The following ANXA1 variants were observed in gnomAD, a reference collection of about 807,000 sequenced individuals.
The protein encoded by ANXA1 is annexin I (lipocortin I).
In ANXA1, 39 loss-of-function variants were observed where a neutral mutation model predicts 47.9. The observed-to-expected ratio is 0.81, with a 90% CI of 0.63 to 1.06. ANXA1 has a LOEUF of 1.06. Among genes scored for constraint, ANXA1 ranks in the 50% least tolerant of loss-of-function variants. The pLI, the probability that ANXA1 is intolerant of heterozygous loss-of-function variation, is 0.00. For missense variants in ANXA1, 446 were observed against 422.7 expected (o/e 1.06, Z -0.48); for synonymous variants, 146 against 142.5 (o/e 1.02, Z -0.17).
chr9:73,157,871 A>T (rs1824074243), intron 1 of ANXA1: 2 of 152,152 alleles, frequency 1.3e-5, no homozygotes, highest in African/African-American at 2.4e-5. Flanking sequence ...ACAAACAAAC[A>T]AAAAGAAACC....
At chr9:73,167,406 T>C (rs972736928) in intron 10 of ANXA1, 91 bp from the exon 11 acceptor site, 4 of 1,225,138 alleles carry the variant, frequency 3.3e-6, no homozygotes, top group Admixed American at 1.8e-5. Context: ...TAGAACACTG[T>C]TGGCAAAATT....
At chr9:73,159,647 T>C (rs1824106277) in intron 4 of ANXA1, 1 of 355,748 alleles carries the variant, frequency 2.8e-6, no homozygotes, top group East Asian at 5.2e-5. Context: ...TTTGCAGATG[T>C]GGTGCTCTGG....
In ANXA1 at chr9:73,154,474, C is replaced by A. The variant is rs185490342; in HGVS notation, c.-15+2550C>A. ...TCTTCCCGACAGAGTCTTGTTATGT[C>A]GCCCAGGATGGAGTGTAGTGGTACA... is the stretch of plus-strand genomic sequence containing the variant. On this transcript the variant is annotated intron_variant, in intron 1 of 12. Transcript: ENST00000257497. The A allele has an allele frequency of 7.6e-6, 6 of 792,486 alleles. No individual in the cohort carries two copies. In the Admixed American group the frequency reaches 1.6e-4, roughly 21 times the overall value. The allele number at this position is 792,486 out of a possible 1,614,324, so 49.1% of individuals were successfully genotyped here. A position where few individuals can be genotyped will look rare whatever the true frequency, so the allele number is the denominator to read the frequency against.
intron 6 of ANXA1, among the ~76,000 whole-genome samples, chr9:73,161,644 GC>G (rs1824144998): frequency 6.6e-6 from 1 of 151,884 alleles, no homozygotes; most frequent in Non-Finnish European, 1.5e-5. Context: ...GAATACAATA[GC>G]TTTTGCATAT....
intron 8 of ANXA1, among the ~76,000 whole-genome samples, chr9:73,163,931 A>G (rs1824185698): frequency 6.6e-6 from 1 of 152,204 alleles, no homozygotes; most frequent in Non-Finnish European, 1.5e-5. Context: ...AATGGTTTAT[A>G]GATGTCAATT....
chr9:73,170,288 T>A lies in ANXA1; in HGVS notation c.*181T>A. On this transcript the variant is annotated 3_prime_UTR_variant, in exon 13 of 13. Coordinates refer to ENST00000257497, the MANE Select transcript of ANXA1 (RefSeq NM_000700.3). ...TGTATAATAGAGATAAGTCCATTTT[T>A]TAAAAATGTTTTCCCCAAACCATAA... 2.4e-6 allele frequency: 1 copy of A among 419,526 alleles called. No individual in the cohort carries two copies. Among genetic ancestry groups the A allele is most frequent in the East Asian group, 3.5e-5 (1 of 28,258 alleles). The allele number at this position is 419,526 out of a possible 1,614,324, so 26.0% of individuals were successfully genotyped here.
chr9:73,169,808 A>G (rs1227707926), intron 12 of ANXA1, among the ~76,000 whole-genome samples: 1 of 152,150 alleles, frequency 6.6e-6, no homozygotes, highest in Non-Finnish European at 1.5e-5. Context: ...TTCATAGAAA[A>G]TAATGGCACT....
chr9:73,158,560 A>G lies in ANXA1; in HGVS notation c.25A>G (p.Lys9Glu). MAMVSEFLKQAWFIENEEQ... is the reference protein window; with the variant it reads MAMVSEFLEQAWFIENEEQ... ...AATGGCAATGGTATCAGAATTCCTC[A>G]AGCAGGCCTGGTTTATTGAAAATGA... Residue 9 changes from lysine to glutamate, a missense_variant, in exon 2 of 13, where the codon AAG (lysine) becomes GAG (glutamate). Physicochemically the swap from Lys to Glu is moderately conservative, Grantham distance 56. Coordinates refer to ENST00000257497, the MANE Select transcript of ANXA1 (RefSeq NM_000700.3). 1 of 1,613,754 alleles carries G rather than the reference A, an allele frequency of 6.2e-7. No individual in the cohort carries two copies. Among genetic ancestry groups the G allele is most frequent in the Non-Finnish European group, 8.5e-7 (1 of 1,179,806 alleles).
At chr9:73,163,671 A>T (rs1824181541) in intron 8 of ANXA1, 139 bp downstream of exon 8, 1 of 770,384 alleles carries the variant, frequency 1.3e-6, no homozygotes. Flanking sequence ...TGAATGAGGC[A>T]TGTCTTTCTG....
intron 1 of ANXA1, among the ~76,000 whole-genome samples, chr9:73,156,093 G>T (rs1001848429): frequency 7.7e-6 from 1 of 130,338 alleles, no homozygotes; most frequent in Non-Finnish European, 1.6e-5. Context: ...TTTGCTAATT[G>T]AAAAGAATGG....
At position 73,158,746 on chromosome 9, in the gene ANXA1, C is replaced by A; in HGVS notation, c.118C>A (p.Pro40Thr). ...GGPGSAVSPY[P>T]TFNPSSDVAA... ...TCCCGGATCAGCGGTGAGCCCCTAT[C>A]CTACCTTCAATCCATCCTCGGATGT... The change falls in exon 3 of 13, where the codon CCT becomes ACT. Residue 40 changes from proline (P) to threonine (T), a missense_variant. Pro to Thr is a conservative substitution (Grantham distance 38, BLOSUM62 -1). Coordinates refer to ENST00000257497, the MANE Select transcript of ANXA1 (RefSeq NM_000700.3). The A allele has an allele frequency of 6.2e-7, 1 of 1,613,900 alleles. No homozygotes were observed.
Position 73,158,509 on chromosome 9 carries a change from G to A in ANXA1, c.-14-13G>A. On this transcript the variant is annotated splice_polypyrimidine_tract_variant and intron_variant, in intron 1 of 12. Transcript: ENST00000257497. Reference sequence around the variant, plus strand: ...ATTTGTTTTGTAAAAGCATCTAACTGTTTTCTTTCCAGACACTTTTTCAAA... The same window carrying A: ...ATTTGTTTTGTAAAAGCATCTAACTATTTTCTTTCCAGACACTTTTTCAAA... The A allele has an allele frequency of 6.2e-7, 1 of 1,609,632 alleles. No homozygotes were observed. Among genetic ancestry groups the A allele is most frequent in the South Asian group, 1.1e-5 (1 of 90,970 alleles).
Position 73,160,296 on chromosome 9 carries a change from G to T in ANXA1, c.304G>T (p.Gly102Cys). ...LDETLKKALT[G>C]HLEEVVLALL... ...TGAAACACTGAAGAAAGCCCTTACA[G>T]GTCACCTTGAGGAGGTTGTTTTAGC... The change falls in exon 5 of 13, where the codon GGT (glycine) becomes TGT (cysteine). Residue 102 changes from glycine (G) to cysteine (C), a missense_variant. Transcript: ENST00000257497. The T allele has an allele frequency of 1.9e-6, 3 of 1,580,308 alleles. No homozygotes were observed. The highest frequency in any genetic ancestry group is 2.6e-6 in the Non-Finnish European group (3 of 1,169,760).
At chr9:73,154,314 T>C in intron 1 of ANXA1, 1 of 1,366,196 alleles carries the variant, frequency 7.3e-7, no homozygotes, top group South Asian at 1.1e-5. Context: ...TCTGCGCAAG[T>C]TGACTGTTAA....
At chr9:73,169,905 T>C (rs889092762) in intron 12 of ANXA1, 146 bp from the exon 13 acceptor site, 2 of 448,026 alleles carry the variant, frequency 4.5e-6, no homozygotes, top group Non-Finnish European at 7.7e-6. Context: ...AAATCAGTTA[T>C]CTGTTGTATA....
Position 73,160,893 on chromosome 9 carries a change from G to GGTAAGTT in ANXA1, c.475+5_475+11dup, listed in dbSNP as rs746237350. 3 of 1,600,382 alleles carry GGTAAGTT rather than the reference G, an allele frequency of 1.9e-6. No homozygotes were observed. The highest frequency in any genetic ancestry group is 1.7e-5 in the Admixed American group (1 of 59,468). On this transcript the variant is annotated frameshift_variant and splice_region_variant. Transcript: ENST00000257497. LOFTEE classifies it high-confidence loss of function. ...AGACATTAACAGGGTCTACAGAGAGGGTAAGTTGTAATGTCCAACAGTCCA... is the reference window on the plus strand; with the variant it reads ...AGACATTAACAGGGTCTACAGAGAGGGTAAGTTGTAAGTTGTAATGTCCAACAGTCCA...
intron 11 of ANXA1, chr9:73,168,744 A>G: frequency 5.2e-6 from 1 of 193,774 alleles, no homozygotes; most frequent in Non-Finnish European, 1.1e-5. Flanking sequence ...TGCAGTTTAG[A>G]AGTTCCCTTT....
intron 12 of ANXA1, 49 bp downstream of exon 12, chr9:73,169,203 T>G: frequency 6.5e-7 from 1 of 1,541,844 alleles, no homozygotes; most frequent in Non-Finnish European, 8.7e-7. Context: ...AAGTTCTTTT[T>G]GCAAGATCTT....
intron 1 of ANXA1, among the ~76,000 whole-genome samples, chr9:73,153,379 A>G (rs1823999701): frequency 1.3e-5 from 2 of 152,196 alleles, no homozygotes; most frequent in African/African-American, 2.4e-5. Flanking sequence ...TTTTGAAGTC[A>G]ACTATTTCCT....
Sources: allele counts gnomAD v4.1 joint callset (sites outside exome capture counted in the v4.1 genomes callset), GRCh38; gene constraint gnomAD v4.1.1; transcripts MANE v1.5; gene names NCBI Gene and HGNC (gene_info 2026-07-23, HGNC 2026-07-21).